PTPRG: variants seen among roughly 807,000 people sequenced by gnomAD.
PTPRG encodes receptor-type tyrosine-protein phosphatase gamma.
A neutral mutation model predicts 165.3 loss-of-function variants in PTPRG; 102 were observed. That is an observed-to-expected ratio of 0.62 (90% CI 0.53 to 0.73). The LOEUF (loss-of-function observed/expected upper bound fraction) is 0.73. Among genes scored for constraint, PTPRG ranks in the 30% least tolerant of loss-of-function variants. PTPRG has a pLI of 0.00. For missense variants in PTPRG, 1,866 were observed against 1,861.4 expected (o/e 1.00, Z -0.05); for synonymous variants, 675 against 669.5 (o/e 1.01, Z -0.13).
rs193267495 is a variant in PTPRG, at chr3:62,254,680, T to C, written c.2468-444T>C. 3.3e-5 allele frequency among the ~76,000 whole-genome samples: 5 copies of C among 151,962 alleles called. No individual in the cohort carries two copies. In the East Asian group the frequency reaches 5.8e-4, roughly 18 times the overall value. On this transcript the variant is annotated intron_variant, in intron 15 of 29. Transcript: ENST00000474889. This position sits in a 1 kb window ranked among gnomAD's most constrained non-coding sequence, Gnocchi z 4.6. ...TGCTTAAAACTTATAAGATTGGAAA[T>C]AGAACTTAATTGCTTAAAGTTCAAG...
At chr3:61,599,426 G>A (rs1206702264) in intron 1 of PTPRG, among the ~76,000 whole-genome samples, 3 of 152,150 alleles carry the variant, frequency 2.0e-5, no homozygotes, top group Non-Finnish European at 4.4e-5. Context: ...GAGATTACAG[G>A]CATGACCCAT....
At chr3:62,031,160 C>T (rs1188479706) in intron 4 of PTPRG, among the ~76,000 whole-genome samples, 3 of 152,176 alleles carry the variant, frequency 2.0e-5, no homozygotes, top group Admixed American at 6.5e-5. Flanking sequence ...TGTATACCAG[C>T]TTATGTGTCA....
At chr3:61,578,253 G>T (rs1157056049) in intron 1 of PTPRG, among the ~76,000 whole-genome samples, 1 of 152,198 alleles carries the variant, frequency 6.6e-6, no homozygotes, top group Non-Finnish European at 1.5e-5. Flanking sequence ...AAGGTAGAAG[G>T]GAACTTGGAG....
intron 1 of PTPRG, among the ~76,000 whole-genome samples, chr3:61,670,078 A>G (rs1339628407): frequency 1.3e-5 from 2 of 152,134 alleles, no homozygotes; most frequent in Admixed American, 6.5e-5. Context: ...ATGGGGATAA[A>G]TATCTGCTTC....
At chr3:61,929,473 G>A (rs1490109804) in intron 2 of PTPRG, among the ~76,000 whole-genome samples, 4 of 152,166 alleles carry the variant, frequency 2.6e-5, no homozygotes, top group Non-Finnish European at 5.9e-5. Context: ...TCAACATTTA[G>A]TTGAGTAGCC....
At chr3:61,844,103 A>G (rs909732829) in intron 2 of PTPRG, among the ~76,000 whole-genome samples, 2 of 151,820 alleles carry the variant, frequency 1.3e-5, no homozygotes, top group Non-Finnish European at 2.9e-5. Context: ...AGCTGGGATT[A>G]CAGGCATGTG....
intron 1 of PTPRG, among the ~76,000 whole-genome samples, chr3:61,598,914 A>G (rs1367388749): frequency 2.0e-5 from 3 of 152,042 alleles, no homozygotes; most frequent in Non-Finnish European, 4.4e-5. Context: ...GTCTGTGTCC[A>G]AGTTTCTCCT....
intron 5 of PTPRG, among the ~76,000 whole-genome samples, chr3:62,109,674 C>A (rs1280396817): frequency 6.6e-6 from 1 of 152,150 alleles, no homozygotes. Context: ...CTCCTGCTCT[C>A]TTTGTTGCTT....
intron 1 of PTPRG, among the ~76,000 whole-genome samples, chr3:61,637,472 T>A (rs968607759): frequency 6.6e-6 from 1 of 152,172 alleles, no homozygotes; most frequent in African/African-American, 2.4e-5. Flanking sequence ...AGGGCTGGAT[T>A]TCAAGGATGA....
At chr3:61,795,958 CTT>C (rs1228072677) in intron 2 of PTPRG, among the ~76,000 whole-genome samples, 1 of 152,142 alleles carries the variant, frequency 6.6e-6, no homozygotes, top group Non-Finnish European at 1.5e-5. Flanking sequence ...GCAGATACCT[CTT>C]TAACTTTATT....
intron 4 of PTPRG, among the ~76,000 whole-genome samples, chr3:62,062,739 C>T (rs1700861985): frequency 6.6e-6 from 1 of 152,058 alleles, no homozygotes; most frequent in African/African-American, 2.4e-5. Flanking sequence ...TGGCTCACTG[C>T]AGCCTGACCT....
rs34118063 is a variant in PTPRG at position 61,638,618 on chromosome 3, T to TG, written c.85+76250dup. 1.0e-3 allele frequency among the ~76,000 whole-genome samples: 119 copies of TG among 116,304 alleles called. 5 individuals carry two copies. Among genetic ancestry groups the TG allele is most frequent in the African/African-American group, 3.2e-3 (96 of 29,600 alleles). The allele number at this position is 116,304 out of a possible 152,430, so 76.3% of individuals were successfully genotyped here. ...TTTTTTTTTTTTTTTTTTTTTTTTTTGGGGTAGAGGGATTTCCCTATGTTG... is the reference window on the plus strand; with the variant it reads ...TTTTTTTTTTTTTTTTTTTTTTTTTTGGGGGTAGAGGGATTTCCCTATGTTG... On this transcript the variant is annotated intron_variant, in intron 1 of 29. Coordinates refer to ENST00000474889, the MANE Select transcript of PTPRG (RefSeq NM_002841.4).
At chr3:61,796,920 A>G (rs2035063478) in intron 2 of PTPRG, among the ~76,000 whole-genome samples, 2 of 152,200 alleles carry the variant, frequency 1.3e-5, no homozygotes, top group South Asian at 4.1e-4. Context: ...CTGTTGGCTT[A>G]ATCCATATGT....
chr3:62,110,507 C>T (rs552988709), intron 5 of PTPRG, among the ~76,000 whole-genome samples: 17 of 150,658 alleles, frequency 1.1e-4, no homozygotes, highest in Middle Eastern at 3.2e-3. Context: ...TATTCAGTAA[C>T]GTCTGCAGGC....
chr3:61,569,156 C>A (rs943296463), intron 1 of PTPRG, among the ~76,000 whole-genome samples: 3 of 152,088 alleles, frequency 2.0e-5, no homozygotes. Flanking sequence ...GAAGAAAAAT[C>A]TTTTAGGAGC....
chr3:61,824,216 T>C (rs1282700954), intron 2 of PTPRG, among the ~76,000 whole-genome samples: 2 of 152,252 alleles, frequency 1.3e-5, no homozygotes, highest in Admixed American at 1.3e-4. Context: ...CACTAGACTA[T>C]TCCTATTGAG....
chr3:62,239,360 C>CTTTTTTTTT (rs776921598), intron 14 of PTPRG, among the ~76,000 whole-genome samples: 3 of 124,538 alleles, frequency 2.4e-5, no homozygotes, highest in East Asian at 4.7e-4. Flanking sequence ...TTTTTTCTTT[C>CTTTTTTTTT]TTTTTTTTTT....
intron 2 of PTPRG, among the ~76,000 whole-genome samples, chr3:61,891,796 T>C (rs2038221887): frequency 6.6e-6 from 1 of 152,248 alleles, no homozygotes; most frequent in African/African-American, 2.4e-5. Flanking sequence ...CTCAGTTTCT[T>C]ACTGTAATGA....
chr3:62,191,159 T>C (rs562808396), intron 8 of PTPRG, among the ~76,000 whole-genome samples: 23 of 151,876 alleles, frequency 1.5e-4, no homozygotes, highest in African/African-American at 3.9e-4. Context: ...CACGTGTGTG[T>C]GCGCATGTGC....
Sources: gnomAD v4.1 joint callset for allele counts (sites outside exome capture counted in the v4.1 genomes callset) on GRCh38, gnomAD v4.1.1 for gene constraint, Gnocchi (gnomAD v3.1) non-coding constraint, MANE v1.5 for transcripts, NCBI Gene and HGNC (gene_info 2026-07-23, HGNC 2026-07-21) for gene names.